Variants in LAMC3 observed in about 807,000 individuals in gnomAD.
LAMC3 encodes the protein laminin subunit gamma 3.
LAMC3 carries 128 observed loss-of-function variants against 173.8 expected under a neutral mutation model. The observed-to-expected ratio is 0.74, with a 90% CI of 0.64 to 0.85. LAMC3 has a LOEUF of 0.85. Ranked by LOEUF, LAMC3 falls within the 40% of genes least tolerant of loss-of-function variation. LAMC3 has a pLI of 0.00. For missense variants in LAMC3, 2,022 were observed against 2,156.0 expected (o/e 0.94, Z 1.23); for synonymous variants, 897 against 909.1 (o/e 0.99, Z 0.24).
intron 7 of LAMC3, among the ~76,000 whole-genome samples, chr9:131,044,116 G>A (rs529016909): frequency 5.9e-5 from 9 of 151,778 alleles, no homozygotes; most frequent in Admixed American, 2.6e-4. Context: ...CCACCACCAC[G>A]CCTGGCTAAT....
At position 131,081,925 on chromosome 9, in the gene LAMC3, G is replaced by A. The variant is rs952258070; in HGVS notation, c.3928-134G>A. On this transcript the variant is annotated intron_variant, in intron 23 of 27. Coordinates refer to ENST00000361069, the MANE Select transcript of LAMC3 (RefSeq NM_006059.4). ...ATAACACAGATCAGGTGCTCCTGGT[G>A]GACAGCGTGACCCAGCGTCAGGGAT... The A allele has an allele frequency of 3.4e-5, 24 of 697,878 alleles. No individual in the cohort carries two copies. The African/African-American group carries it at 3.5e-4, about 10-fold the overall frequency. 43.2% of individuals were successfully genotyped at this position (697,878 alleles called of 1,614,324 possible).
At chr9:131,076,141 C>T (rs538747190) in intron 21 of LAMC3, among the ~76,000 whole-genome samples, 176 bp downstream of exon 21, 5 of 152,250 alleles carry the variant, frequency 3.3e-5, no homozygotes, top group South Asian at 4.1e-4. Context: ...TGGGCCCACT[C>T]GGTGGTGAGT....
At chr9:131,034,494 C>T (rs1003382626) in intron 3 of LAMC3, among the ~76,000 whole-genome samples, 1 of 152,244 alleles carries the variant, frequency 6.6e-6, no homozygotes, top group Non-Finnish European at 1.5e-5. Flanking sequence ...GAGCGTGGAA[C>T]GTGGCTTAAG....
At chr9:131,072,859 C>A (rs375944627) in intron 19 of LAMC3, 24 bp downstream of exon 19, 2 of 1,595,868 alleles carry the variant, frequency 1.3e-6, no homozygotes, top group Non-Finnish European at 1.7e-6. Context: ...CCCCCCTACC[C>A]GAACACACCA....
Position 131,026,270 on chromosome 9 carries a change from T to G in LAMC3, c.374-15T>G. 2 of 1,613,918 alleles carry G rather than the reference T, an allele frequency of 1.2e-6. No individual in the cohort carries two copies. The highest frequency in any genetic ancestry group is 1.7e-6 in the Non-Finnish European group (2 of 1,179,976). ...TTCCCCTTCCATAAAATGGGCCCCG[T>G]TTTCCTGGCTGCAGGGAAGGCTTAT... On this transcript the variant is annotated splice_polypyrimidine_tract_variant and intron_variant, in intron 1 of 27. Coordinates refer to ENST00000361069, the MANE Select transcript of LAMC3 (RefSeq NM_006059.4). This position sits in a 1 kb window ranked among gnomAD's most constrained non-coding sequence, Gnocchi z 4.8.
chr9:131,058,415 C>G (rs1453033429), intron 12 of LAMC3, among the ~76,000 whole-genome samples: 1 of 151,804 alleles, frequency 6.6e-6, no homozygotes, highest in Admixed American at 6.6e-5. Flanking sequence ...GCCTGGCCAA[C>G]TGATCCCCAC....
At chr9:131,048,977 G>C (rs1302285844) in intron 8 of LAMC3, 43 bp from the exon 9 acceptor site, 2 of 1,305,746 alleles carry the variant, frequency 1.5e-6, no homozygotes, top group East Asian at 2.5e-5. Context: ...ACCACCCTCC[G>C]GGGCCTCACA....
chr9:131,030,086 G>T (rs775104910), intron 2 of LAMC3, among the ~76,000 whole-genome samples: 1 of 152,084 alleles, frequency 6.6e-6, no homozygotes, highest in Non-Finnish European at 1.5e-5. Flanking sequence ...GATTGCAGGT[G>T]TGTGCCACCA....
chr9:131,012,062 TACACACAC>T (rs33965311), intron 1 of LAMC3, among the ~76,000 whole-genome samples: 3 of 138,400 alleles, frequency 2.2e-5, no homozygotes, highest in East Asian at 2.0e-4. Flanking sequence ...CACACACACA[TACACACAC>T]ACACACACAC....
At chr9:131,028,356 C>T (rs960421794) in intron 2 of LAMC3, among the ~76,000 whole-genome samples, 2 of 152,200 alleles carry the variant, frequency 1.3e-5, no homozygotes, top group African/African-American at 2.4e-5. Context: ...AGACCCAAGA[C>T]GTGTCCAAAC....
chr9:131,042,232 T>C (rs773548574), intron 7 of LAMC3, among the ~76,000 whole-genome samples: 6 of 148,730 alleles, frequency 4.0e-5, no homozygotes, highest in Admixed American at 2.0e-4. Flanking sequence ...TTCACACCCA[T>C]GACAGACACC....
intron 24 of LAMC3, 105 bp downstream of exon 24, chr9:131,082,266 G>A (rs1398319251): frequency 4.9e-6 from 4 of 821,474 alleles, no homozygotes; most frequent in Admixed American, 2.0e-5. Flanking sequence ...CAGGAGTCTG[G>A]TCTTGTGGGC....
Position 131,069,869 on chromosome 9 carries a change from A to G in LAMC3, c.3069+19A>G. 2 of 1,567,310 alleles carry G rather than the reference A, an allele frequency of 1.3e-6. No individual in the cohort carries two copies. Among genetic ancestry groups the G allele is most frequent in the East Asian group, 2.3e-5 (1 of 42,730 alleles). Reference sequence around the variant, plus strand: ...GGAGGAGGTGAGTCGGCCCAGACCCACTCACCTTTCCATTCATTCTGTATT... The same window carrying G: ...GGAGGAGGTGAGTCGGCCCAGACCCGCTCACCTTTCCATTCATTCTGTATT... On this transcript the variant is annotated intron_variant, in intron 17 of 27. Coordinates refer to ENST00000361069, the MANE Select transcript of LAMC3 (RefSeq NM_006059.4).
chr9:131,048,151 G>A (rs572115750), intron 8 of LAMC3, among the ~76,000 whole-genome samples: 1 of 147,796 alleles, frequency 6.8e-6, no homozygotes, highest in East Asian at 2.1e-4. Flanking sequence ...CCGCCTCTCG[G>A]GTTCAGGCGA....
chr9:131,085,735 G>A lies in LAMC3; in HGVS notation c.4230+12G>A, dbSNP rs754421176. The A allele has an allele frequency of 1.8e-5, 29 of 1,613,726 alleles. No homozygotes were observed. Among genetic ancestry groups the A allele is most frequent in the Non-Finnish European group, 2.4e-5 (28 of 1,179,778 alleles). On this transcript the variant is annotated intron_variant, in intron 25 of 27. Transcript: ENST00000361069. ...AGGACAGTGCCAAGGTCAGGGTGGT[G>A]GCTGTGACAACAGTGGCCTCCTTCC...
At chr9:131,028,166 C>A (rs1040517393) in intron 2 of LAMC3, among the ~76,000 whole-genome samples, 6 of 152,178 alleles carry the variant, frequency 3.9e-5, no homozygotes, top group African/African-American at 1.4e-4. Flanking sequence ...GCATCAGATT[C>A]TCCCAGGAGC....
chr9:131,078,353 A>G (rs1005607763), intron 22 of LAMC3, among the ~76,000 whole-genome samples: 6 of 152,094 alleles, frequency 3.9e-5, no homozygotes, highest in Non-Finnish European at 8.8e-5. Flanking sequence ...TTAGCCAGGC[A>G]TGGTGGCGGG....
chr9:131,050,356 C>A (rs375637220), intron 9 of LAMC3, among the ~76,000 whole-genome samples: 7 of 152,216 alleles, frequency 4.6e-5, no homozygotes, highest in African/African-American at 1.7e-4. Flanking sequence ...AACGTCTGGG[C>A]TGGCTGGTGA....
intron 8 of LAMC3, among the ~76,000 whole-genome samples, chr9:131,046,114 A>G (rs1451813953): frequency 1.3e-5 from 2 of 148,388 alleles, no homozygotes; most frequent in Admixed American, 6.7e-5. Flanking sequence ...TACAAAAGGT[A>G]GGCCACTTGC....
Sources: allele counts gnomAD v4.1 joint callset (sites outside exome capture counted in the v4.1 genomes callset), GRCh38; gene constraint gnomAD v4.1.1; non-coding constraint Gnocchi (gnomAD v3.1); transcripts MANE v1.5; gene names NCBI Gene and HGNC (gene_info 2026-07-23, HGNC 2026-07-21).